Variants in DDX43 observed in about 807,000 individuals in gnomAD.
DDX43 encodes the protein DEAD-box helicase 43, also known as probable ATP-dependent RNA helicase DDX43.
A neutral mutation model predicts 84.9 loss-of-function variants in DDX43; 50 were observed. That is an observed-to-expected ratio of 0.59 (90% CI 0.47 to 0.75). The LOEUF (loss-of-function observed/expected upper bound fraction) is 0.75. Ranked by LOEUF, DDX43 falls within the 30% of genes least tolerant of loss-of-function variation. The pLI, the probability that DDX43 is intolerant of heterozygous loss-of-function variation, is 0.00. For synonymous variants in DDX43, 291 were observed against 266.3 expected, an observed-to-expected ratio of 1.09 and a Z score of -0.90; for missense variants, 689 against 798.6, an observed-to-expected ratio of 0.86 and a Z score of 1.65.
chr6:73,400,465 C>A, intron 3 of DDX43, 102 bp downstream of exon 3: 2 of 1,122,598 alleles, frequency 1.8e-6, no homozygotes, highest in Non-Finnish European at 2.4e-6. Context: ...AAGCATTAGG[C>A]TGCCATAAAT....
At chr6:73,403,246 A>G (rs982458402) in intron 4 of DDX43, among the ~76,000 whole-genome samples, 3 of 152,304 alleles carry the variant, frequency 2.0e-5, no homozygotes, top group East Asian at 1.9e-4. Flanking sequence ...AGGCTGGTGG[A>G]TCACCTGAGG....
rs1462065594 is a variant in DDX43 at position 73,400,344 on chromosome 6, C to T, written c.417C>T (p.Tyr139=). Residue 139 remains tyrosine (Y), a synonymous_variant, in exon 3 of 17, where the codon TAC becomes TAT. Transcript: ENST00000370336. ...DNFVKKLEEN[Y]NSECGIDTAF... ...TTGTTAAAAAGCTAGAAGAAAATTACAATTCAGAATGCGGAATTGGTAAGT... is the reference window on the plus strand; with the variant it reads ...TTGTTAAAAAGCTAGAAGAAAATTATAATTCAGAATGCGGAATTGGTAAGT... The T allele has an allele frequency of 3.1e-6, 5 of 1,606,696 alleles. No homozygotes were observed. Among genetic ancestry groups the T allele is most frequent in the African/African-American group, 1.3e-5 (1 of 74,578 alleles).
intron 10 of DDX43, 96 bp downstream of exon 10, chr6:73,409,444 G>A (rs1769745067): frequency 2.0e-6 from 2 of 989,224 alleles, no homozygotes; most frequent in African/African-American, 1.6e-5. Flanking sequence ...GCATTACTTG[G>A]AAGTGTTGAA....
intron 10 of DDX43, among the ~76,000 whole-genome samples, chr6:73,411,624 A>G (rs1454417896): frequency 6.6e-6 from 1 of 150,550 alleles, no homozygotes; most frequent in Non-Finnish European, 1.5e-5. Flanking sequence ...GCCACCACAC[A>G]CGGCCTTAGC....
chr6:73,398,745 G>T (rs1769517522), intron 2 of DDX43, among the ~76,000 whole-genome samples: 2 of 152,126 alleles, frequency 1.3e-5, no homozygotes, highest in South Asian at 4.1e-4. Context: ...CTTAGTGAAT[G>T]GTAGCAACAT....
chr6:73,406,349 A>T lies in DDX43; in HGVS notation c.808-15A>T, dbSNP rs1769683632. ...AGATGTACTTTTTGTGTTAATGTTTATCATTCCGTTTCAGTCACAGGCATG... is the reference window on the plus strand; with the variant it reads ...AGATGTACTTTTTGTGTTAATGTTTTTCATTCCGTTTCAGTCACAGGCATG... On this transcript the variant is annotated splice_polypyrimidine_tract_variant and intron_variant, in intron 6 of 16. Coordinates refer to ENST00000370336, the MANE Select transcript of DDX43 (RefSeq NM_018665.3). 7 of 1,563,270 alleles carry T rather than the reference A, an allele frequency of 4.5e-6. No individual in the cohort carries two copies. Among genetic ancestry groups the T allele is most frequent in the South Asian group, 1.1e-5 (1 of 89,248 alleles).
chr6:73,400,932 A>G (rs1769557762), intron 3 of DDX43, among the ~76,000 whole-genome samples: 1 of 152,168 alleles, frequency 6.6e-6, no homozygotes, highest in African/African-American at 2.4e-5. Flanking sequence ...AAGGTCTAAG[A>G]TTCTATTTTT....
intron 4 of DDX43, among the ~76,000 whole-genome samples, chr6:73,403,749 A>C (rs1229633641): frequency 6.6e-6 from 1 of 152,010 alleles, no homozygotes; most frequent in Non-Finnish European, 1.5e-5. Context: ...TCCCAGGCTC[A>C]AGTGATCCTC....
chr6:73,397,486 C>G (rs985091249), intron 1 of DDX43, among the ~76,000 whole-genome samples: 4 of 152,126 alleles, frequency 2.6e-5, no homozygotes, highest in Admixed American at 2.6e-4. Context: ...ATAGTCTCCA[C>G]CTGTCTGGGA....
intron 5 of DDX43, among the ~76,000 whole-genome samples, chr6:73,405,385 A>C (rs1186499074): frequency 6.6e-6 from 1 of 152,178 alleles, no homozygotes; most frequent in Admixed American, 6.5e-5. Flanking sequence ...ATGTTTGCCA[A>C]ATCTGGTTTT....
rs986457225 is a variant in DDX43, at chr6:73,409,962, A to T, written c.1280+614A>T. Among the ~76,000 whole-genome samples, 4 of 151,030 alleles carry T rather than the reference A, an allele frequency of 2.6e-5. No individual in the cohort carries two copies. In the East Asian group the frequency reaches 7.8e-4, roughly 30 times the overall value. ...GGAGGATCGTTTGAACCTGGGAGGTAGAGGTTGCACTGAGCCAAGATCATG... is the reference window on the plus strand; with the variant it reads ...GGAGGATCGTTTGAACCTGGGAGGTTGAGGTTGCACTGAGCCAAGATCATG... On this transcript the variant is annotated intron_variant, in intron 10 of 16. Coordinates refer to ENST00000370336, the MANE Select transcript of DDX43 (RefSeq NM_018665.3).
At chr6:73,404,121 C>CT (rs1172789215) in intron 4 of DDX43, among the ~76,000 whole-genome samples, 1 of 143,970 alleles carries the variant, frequency 6.9e-6, no homozygotes. Flanking sequence ...CCGCCGGCCC[C>CT]TTTTTTTTTC....
intron 5 of DDX43, among the ~76,000 whole-genome samples, 162 bp from the exon 6 acceptor site, chr6:73,405,517 C>G (rs912414266): frequency 6.6e-6 from 1 of 152,194 alleles, no homozygotes; most frequent in African/African-American, 2.4e-5. Flanking sequence ...GACAGATGGA[C>G]TCCTGCTTCT....
chr6:73,408,686 A>G (rs1182152809), intron 9 of DDX43, among the ~76,000 whole-genome samples: 1 of 151,890 alleles, frequency 6.6e-6, no homozygotes, highest in Admixed American at 6.6e-5. Context: ...CCTTCCAAGT[A>G]GCTGGGACTG....
intron 1 of DDX43, among the ~76,000 whole-genome samples, chr6:73,395,455 A>G (rs1250772350): frequency 6.6e-6 from 1 of 152,022 alleles, no homozygotes; most frequent in Non-Finnish European, 1.5e-5. Flanking sequence ...AAATATATAT[A>G]TTAAAAAAAA....
chr6:73,397,799 G>A lies in DDX43; in HGVS notation c.306+55G>A, dbSNP rs937548466. On this transcript the variant is annotated intron_variant, in intron 2 of 16. Coordinates refer to ENST00000370336, the MANE Select transcript of DDX43 (RefSeq NM_018665.3). ...GAGAGCATCATGCATTTCTAAGGGA[G>A]CACCTAACTCTACTTTTCTTTTTAA... 4.7e-6 allele frequency: 7 copies of A among 1,476,608 alleles called. No individual in the cohort carries two copies. In the South Asian group the frequency reaches 5.7e-5, roughly 12 times the overall value. 91.5% of individuals were successfully genotyped at this position (1,476,608 alleles called of 1,614,324 possible).
At chr6:73,407,795 C>T (rs45601033) in intron 8 of DDX43, among the ~76,000 whole-genome samples, 165 bp from the exon 9 acceptor site, 1,863 of 152,212 alleles carry the variant, frequency 0.012, 20 homozygotes, top group Non-Finnish European at 0.019. Flanking sequence ...AAATATTGCT[C>T]TTTAGGATAC....
In DDX43 at chr6:73,405,776, T is replaced by C. The variant is rs1383319769; in HGVS notation, c.748T>C (p.Tyr250His). The stretch of plus-strand genomic sequence containing the variant: ...CACATTTGATGACGCCTTTCAATGT[T>C]ATCCTGAGGTTATGGAAAACATTAA... ...TCTFDDAFQCYPEVMENIKKA... is the reference protein window; with the variant it reads ...TCTFDDAFQCHPEVMENIKKA... Residue 250 changes from tyrosine to histidine, a missense_variant, in exon 6 of 17, where the codon TAT becomes CAT. This residue lies in a region of DDX43 where 552 missense variants were observed against 692.7 expected (regional missense o/e 0.80). Coordinates refer to ENST00000370336, the MANE Select transcript of DDX43 (RefSeq NM_018665.3). 1.2e-6 allele frequency: 2 copies of C among 1,614,030 alleles called. No individual in the cohort carries two copies. Among genetic ancestry groups the C allele is most frequent in the Non-Finnish European group, 8.5e-7 (1 of 1,180,014 alleles).
intron 1 of DDX43, among the ~76,000 whole-genome samples, chr6:73,397,214 C>G (rs1554234656): frequency 6.6e-6 from 1 of 152,116 alleles, no homozygotes; most frequent in Non-Finnish European, 1.5e-5. Context: ...CTTACCAACA[C>G]TTTTTTTCTG....
Sources: allele counts gnomAD v4.1 joint callset (sites outside exome capture counted in the v4.1 genomes callset), GRCh38; gene constraint gnomAD v4.1.1; regional missense constraint gnomAD v4.1.1; transcripts MANE v1.5; gene names NCBI Gene and HGNC (gene_info 2026-07-23, HGNC 2026-07-21).